TFAP2D: variants seen among roughly 807,000 people sequenced by gnomAD.
The protein encoded by TFAP2D is transcription factor AP-2 delta.
In TFAP2D, 9 loss-of-function variants were observed where a neutral mutation model predicts 43.6. The ratio of observed to expected loss-of-function variants is 0.21; its 90% confidence interval spans 0.12 to 0.36. TFAP2D has a LOEUF of 0.36. Ranked by LOEUF, TFAP2D falls within the 10% of genes least tolerant of loss-of-function variation. The pLI is 1.00. For synonymous variants in TFAP2D, 256 were observed against 224.9 expected (o/e 1.14, Z -1.24); for missense variants, 513 against 561.4 (o/e 0.91, Z 0.87).
At position 50,736,634 on chromosome 6, in the gene TFAP2D, A is replaced by T. The variant is rs571886212; in HGVS notation, c.883+7322A>T. On this transcript the variant is annotated intron_variant, in intron 5 of 7. Transcript: ENST00000008391. The stretch of plus-strand genomic sequence containing the variant: ...TCACTCCCCAGGGCTGCATTTTAAG[A>T]TTTCATTCATTTCTGTGTGGTGGGG... Among the ~76,000 whole-genome samples, 6 of 152,152 alleles carry T rather than the reference A, an allele frequency of 3.9e-5. No homozygotes were observed. In the South Asian group the frequency reaches 1.0e-3, roughly 26 times the overall value.
chr6:50,768,256 C>T (rs190962750), intron 7 of TFAP2D, among the ~76,000 whole-genome samples: 67 of 138,424 alleles, frequency 4.8e-4, no homozygotes, highest in Non-Finnish European at 8.2e-4. Context: ...AAAGTCAGAC[C>T]TTCTATTTCT....
chr6:50,731,746 C>T (rs977262034), intron 5 of TFAP2D, among the ~76,000 whole-genome samples: 2 of 151,984 alleles, frequency 1.3e-5, no homozygotes, highest in Non-Finnish European at 2.9e-5. Flanking sequence ...TGATGACTCT[C>T]TTTTATATTT....
rs1768924553 is a variant in TFAP2D, at chr6:50,733,703, AG to A, written c.883+4393del. On this transcript the variant is annotated intron_variant, in intron 5 of 7. Coordinates refer to ENST00000008391, the MANE Select transcript of TFAP2D (RefSeq NM_172238.4). ...GTTGGTGGTTATTCAAATAAATACA[AG>A]GAGTCAATGACCTTGTCCTTCCTGC... Among the ~76,000 whole-genome samples, 5 of 152,238 alleles carry A rather than the reference AG, an allele frequency of 3.3e-5. No individual in the cohort carries two copies. In the South Asian group the frequency reaches 1.0e-3, roughly 32 times the overall value.
intron 2 of TFAP2D, 44 bp downstream of exon 2, chr6:50,715,657 G>A (rs769033480): frequency 1.0e-5 from 16 of 1,536,622 alleles, no homozygotes; most frequent in East Asian, 2.3e-5. Context: ...TCCCCTCTTC[G>A]CCCTCCCCCT....
At chr6:50,741,062 G>C (rs1334806403) in intron 5 of TFAP2D, among the ~76,000 whole-genome samples, 1 of 151,834 alleles carries the variant, frequency 6.6e-6, no homozygotes, top group Non-Finnish European at 1.5e-5. Flanking sequence ...TGCTTTTTAA[G>C]AGATATGTTT....
At chr6:50,758,979 C>T (rs1160207072) in intron 7 of TFAP2D, among the ~76,000 whole-genome samples, 1 of 152,000 alleles carries the variant, frequency 6.6e-6, no homozygotes, top group Non-Finnish European at 1.5e-5. Flanking sequence ...GAGACACATA[C>T]ATTAAAGCAT....
intron 7 of TFAP2D, among the ~76,000 whole-genome samples, chr6:50,753,748 A>T (rs552952818): frequency 1.3e-5 from 2 of 152,082 alleles, no homozygotes; most frequent in East Asian, 3.9e-4. Context: ...CATCTATAAA[A>T]TGTTGATATT....
chr6:50,719,288 A>G, intron 3 of TFAP2D, 138 bp downstream of exon 3: 1 of 872,830 alleles, frequency 1.1e-6, no homozygotes, highest in Non-Finnish European at 1.8e-6. Flanking sequence ...TTCTAGTCCA[A>G]CACTGGCATA....
chr6:50,728,180 A>G (rs1768835601), intron 3 of TFAP2D, among the ~76,000 whole-genome samples: 1 of 152,230 alleles, frequency 6.6e-6, no homozygotes. Flanking sequence ...TATAAAAACA[A>G]TATTATTGTC....
rs148355442 is a variant in TFAP2D at position 50,742,455 on chromosome 6, C to T, written c.884-2652C>T. 1.3e-4 allele frequency among the ~76,000 whole-genome samples: 20 copies of T among 152,100 alleles called. No individual in the cohort carries two copies. The East Asian group carries it at 1.4e-3, about 10-fold the overall frequency. ...AGGTTTTAGCACAAAATTCAAGAGG[C>T]GTGCTGCCATCCTCCTGTTTGCCCT... On this transcript the variant is annotated intron_variant, in intron 5 of 7. Coordinates refer to ENST00000008391, the MANE Select transcript of TFAP2D (RefSeq NM_172238.4).
At chr6:50,767,833 A>C (rs1769465719) in intron 7 of TFAP2D, among the ~76,000 whole-genome samples, 1 of 152,214 alleles carries the variant, frequency 6.6e-6, no homozygotes, top group Admixed American at 6.5e-5. Flanking sequence ...CAACCTAGGA[A>C]ACATTAAGAA....
intron 7 of TFAP2D, among the ~76,000 whole-genome samples, chr6:50,768,080 T>C (rs1013212002): frequency 4.6e-5 from 7 of 152,192 alleles, no homozygotes; most frequent in Admixed American, 4.6e-4. Context: ...GGTGAAATTA[T>C]ATGCAAATGC....
At chr6:50,729,528 G>A (rs1768853896) in intron 5 of TFAP2D, among the ~76,000 whole-genome samples, 1 of 152,160 alleles carries the variant, frequency 6.6e-6, no homozygotes, top group Non-Finnish European at 1.5e-5. Context: ...AATCTTGGTA[G>A]TAATAGGAAA....
chr6:50,715,120 G>A lies in TFAP2D; in HGVS notation c.44G>A (p.Arg15His), dbSNP rs1265646310. 6.2e-7 allele frequency: 1 copy of A among 1,613,648 alleles called. No individual in the cohort carries two copies. The highest frequency in any genetic ancestry group is 1.3e-5 in the African/African-American group (1 of 74,838). Residue 15 changes from arginine (R) to histidine (H), a missense_variant, in exon 2 of 8, where the codon CGT (arginine) becomes CAT (histidine). By Grantham distance (29) the Arg-to-His change is conservative. Coordinates refer to ENST00000008391, the MANE Select transcript of TFAP2D (RefSeq NM_172238.4). The stretch of plus-strand genomic sequence containing the variant: ...TTTTCCCCCTCTTCCTTCCAGATAC[G>A]TCACGACGGATCAAACAGCTACCGT... ...FPGLVHDAEIRHDGSNSYRLM... is the reference protein window; with the variant it reads ...FPGLVHDAEIHHDGSNSYRLM...
intron 5 of TFAP2D, among the ~76,000 whole-genome samples, chr6:50,739,321 G>A (rs1271365250): frequency 1.3e-5 from 2 of 152,110 alleles, no homozygotes; most frequent in Non-Finnish European, 1.5e-5. Context: ...AACATGTGGT[G>A]TTTGGTTTTC....
chr6:50,716,541 G>A (rs1163262316), intron 2 of TFAP2D, among the ~76,000 whole-genome samples: 1 of 152,192 alleles, frequency 6.6e-6, no homozygotes, highest in Non-Finnish European at 1.5e-5. Context: ...CACTCAATCA[G>A]ATGATCTCTC....
intron 1 of TFAP2D, among the ~76,000 whole-genome samples, chr6:50,714,900 G>A (rs1215250006): frequency 6.6e-6 from 1 of 152,046 alleles, no homozygotes; most frequent in East Asian, 1.9e-4. Flanking sequence ...CCGCTCTCTC[G>A]ACTGTGAGGA....
intron 7 of TFAP2D, among the ~76,000 whole-genome samples, chr6:50,769,419 G>A (rs1363334174): frequency 1.3e-5 from 2 of 152,132 alleles, no homozygotes; most frequent in Non-Finnish European, 2.9e-5. Flanking sequence ...TCAATCCAAG[G>A]CAAAGATGAC....
intron 2 of TFAP2D, among the ~76,000 whole-genome samples, chr6:50,718,545 G>C (rs898814988): frequency 6.6e-6 from 1 of 152,124 alleles, no homozygotes; most frequent in Admixed American, 6.5e-5. Flanking sequence ...GACTTTGAAG[G>C]CCTACAGTGA....
Sources: allele counts gnomAD v4.1 joint callset (sites outside exome capture counted in the v4.1 genomes callset), GRCh38; gene constraint gnomAD v4.1.1; transcripts MANE v1.5; gene names NCBI Gene and HGNC (gene_info 2026-07-23, HGNC 2026-07-21).